CACNB2: variants seen among roughly 807,000 people sequenced by gnomAD.
CACNB2 encodes the protein voltage-dependent L-type calcium channel subunit beta-2.
In CACNB2, 42 loss-of-function variants were observed where a neutral mutation model predicts 73.3. That is an observed-to-expected ratio of 0.57 (90% CI 0.45 to 0.74). The LOEUF is 0.74. Among genes scored for constraint, CACNB2 ranks in the 30% least tolerant of loss-of-function variants. The pLI is 0.00. For synonymous variants in CACNB2, 348 were observed against 310.3 expected, an observed-to-expected ratio of 1.12 and a Z score of -1.28; for missense variants, 940 against 853.0, an observed-to-expected ratio of 1.10 and a Z score of -1.27.
At chr10:18,242,480 A>G (rs2036693994) in intron 2 of CACNB2, among the ~76,000 whole-genome samples, 1 of 152,248 alleles carries the variant, frequency 6.6e-6, no homozygotes, top group African/African-American at 2.4e-5. Flanking sequence ...AAAGCAGCAC[A>G]TACTGTTATT....
chr10:18,310,879 G>A (rs965904608), intron 2 of CACNB2, among the ~76,000 whole-genome samples: 35 of 151,722 alleles, frequency 2.3e-4, no homozygotes, highest in Non-Finnish European at 2.4e-4. Flanking sequence ...CACTGTGCCC[G>A]GACTGTTTTC....
chr10:18,319,289 C>G (rs2040309062), intron 2 of CACNB2, among the ~76,000 whole-genome samples: 1 of 152,150 alleles, frequency 6.6e-6, no homozygotes, highest in Non-Finnish European at 1.5e-5. Context: ...GAGATCATGT[C>G]CTTTTCAGGG....
intron 3 of CACNB2, among the ~76,000 whole-genome samples, chr10:18,468,055 T>C (rs2047992096): frequency 6.6e-6 from 1 of 152,282 alleles, no homozygotes; most frequent in East Asian, 1.9e-4. Flanking sequence ...ATCTTAAAAT[T>C]AGTAAACAGC....
chr10:18,236,957 T>A (rs2036469290), intron 2 of CACNB2, among the ~76,000 whole-genome samples: 1 of 152,202 alleles, frequency 6.6e-6, no homozygotes, highest in Non-Finnish European at 1.5e-5. Context: ...GAGAATTATG[T>A]TCATTCATGG....
chr10:18,456,026 G>A (rs2047260676), intron 3 of CACNB2, among the ~76,000 whole-genome samples: 1 of 152,200 alleles, frequency 6.6e-6, no homozygotes, highest in African/African-American at 2.4e-5. Flanking sequence ...TGCGTTTACA[G>A]ACATCTACAT....
At chr10:18,181,562 TTTTTATTTTATTTTATTTTATTTTA>T (rs147509760) in intron 2 of CACNB2, among the ~76,000 whole-genome samples, 3,656 of 113,554 alleles carry the variant, frequency 0.032, 69 homozygotes, top group Middle Eastern at 0.12. Flanking sequence ...GAGGATAACT[TTTTTATTTTATTTTATTTTATTTTA>T]TTTTATTTTA....
intron 2 of CACNB2, chr10:18,261,383 A>T (rs1364650214): frequency 1.3e-6 from 2 of 1,550,764 alleles, no homozygotes; most frequent in East Asian, 2.4e-5. Context: ...TGTCTGGTGC[A>T]TGTTGCCTCT....
At chr10:18,375,914 C>T (rs1346597557) in intron 2 of CACNB2, among the ~76,000 whole-genome samples, 1 of 152,144 alleles carries the variant, frequency 6.6e-6, no homozygotes, top group Non-Finnish European at 1.5e-5. Flanking sequence ...CCTTTACTAA[C>T]CACTATAGAG....
chr10:18,309,702 C>A (rs1406582229), intron 2 of CACNB2, among the ~76,000 whole-genome samples: 1 of 152,110 alleles, frequency 6.6e-6, no homozygotes, highest in Non-Finnish European at 1.5e-5. Context: ...TATGATCCAC[C>A]CGCCTCAGCC....
rs1165921150 is a variant in CACNB2, at chr10:18,220,110, AATATATATATATAT to A, written c.213+69167_213+69180del. Among the ~76,000 whole-genome samples, 150 of 32,748 alleles carry A rather than the reference AATATATATATATAT, an allele frequency of 4.6e-3. 6 individuals carry two copies. Among genetic ancestry groups the A allele is most frequent in the East Asian group, 0.013 (14 of 1,046 alleles). 21.5% of individuals were successfully genotyped at this position (32,748 alleles called of 152,430 possible). On this transcript the variant is annotated intron_variant, in intron 2 of 13. Transcript: ENST00000324631. ...TCCTCTTCTCCTTTTTTTATTTTTTAATATATATATATATATATATATATATATATATATATATA... is the reference window on the plus strand; with the variant it reads ...TCCTCTTCTCCTTTTTTTATTTTTTAATATATATATATATATATATATATA...
At position 18,489,129 on chromosome 10, in the gene CACNB2, C is replaced by T. The variant is rs183899262; in HGVS notation, c.334-9226C>T. Among the ~76,000 whole-genome samples the T allele has an allele frequency of 5.3e-3, 803 of 152,006 alleles. 4 individuals are homozygous for T. Among genetic ancestry groups the T allele is most frequent in the Non-Finnish European group, 8.2e-3 (554 of 67,958 alleles). On this transcript the variant is annotated intron_variant, in intron 3 of 13. Transcript: ENST00000324631. ...GAGATCAAGACCATCCTGGCTAACA[C>T]GGTGAAACCCCACCTATACTAAAAA...
At chr10:18,334,078 A>G (rs2040908394) in intron 2 of CACNB2, among the ~76,000 whole-genome samples, 1 of 152,256 alleles carries the variant, frequency 6.6e-6, no homozygotes, top group Non-Finnish European at 1.5e-5. Context: ...ATCAACAGAA[A>G]GAACCCTTCT....
At chr10:18,502,831 A>G (rs2133051411) in intron 5 of CACNB2, among the ~76,000 whole-genome samples, 1 of 151,836 alleles carries the variant, frequency 6.6e-6, no homozygotes, top group South Asian at 2.1e-4. Context: ...GAGGAGGGTG[A>G]GGATCAGAAA....
chr10:18,285,568 A>G (rs1369659290), intron 2 of CACNB2, among the ~76,000 whole-genome samples: 1 of 152,234 alleles, frequency 6.6e-6, no homozygotes, highest in African/African-American at 2.4e-5. Flanking sequence ...CAGAGTCCTC[A>G]AATGAAAACT....
chr10:18,408,192 G>A (rs2044398482), intron 3 of CACNB2, among the ~76,000 whole-genome samples: 1 of 132,484 alleles, frequency 7.5e-6, no homozygotes, highest in Admixed American at 7.6e-5. Context: ...TCAACAAAAA[G>A]TTTTCAAATG....
At chr10:18,536,690 C>CAAGTAATCCA (rs1333522616) in intron 12 of CACNB2, among the ~76,000 whole-genome samples, 1 of 152,118 alleles carries the variant, frequency 6.6e-6, no homozygotes, top group Non-Finnish European at 1.5e-5. Context: ...GTTTTGAGCA[C>CAAGTAATCCA]AAGTAATCCA....
At position 18,190,264 on chromosome 10, in the gene CACNB2, C is replaced by T. The variant is rs927507653; in HGVS notation, c.213+39289C>T. On this transcript the variant is annotated intron_variant, in intron 2 of 13. Transcript: ENST00000324631. ...TCATCCAGTAATACAGATACAATAA[C>T]GTAGGTTTTCTCAGATACAGAGGGT... Among the ~76,000 whole-genome samples, 8 of 152,254 alleles carry T rather than the reference C, an allele frequency of 5.3e-5. No individual in the cohort carries two copies. In the East Asian group the frequency reaches 5.8e-4, roughly 11 times the overall value.
chr10:18,246,425 A>T (rs2131531438), intron 2 of CACNB2, among the ~76,000 whole-genome samples: 1 of 152,210 alleles, frequency 6.6e-6, no homozygotes, highest in South Asian at 2.1e-4. Context: ...CATTTTTACA[A>T]TGTCTTCTCT....
chr10:18,442,982 A>ATACG (rs2046526621), intron 3 of CACNB2, among the ~76,000 whole-genome samples: 1 of 15,456 alleles, frequency 6.5e-5, no homozygotes, highest in East Asian at 4.2e-3. Context: ...GTATATATAT[A>ATACG]TATGTATATA....
Sources: allele counts gnomAD v4.1 joint callset (sites outside exome capture counted in the v4.1 genomes callset), GRCh38; gene constraint gnomAD v4.1.1; transcripts MANE v1.5; gene names NCBI Gene and HGNC (gene_info 2026-07-23, HGNC 2026-07-21).